EYS: variants seen among roughly 807,000 people sequenced by gnomAD.
EYS encodes the protein EGF-like photoreceptor maintenance factor.
EYS carries 250 observed loss-of-function variants against 282.1 expected under a neutral mutation model. The observed-to-expected ratio is 0.89, with a 90% CI of 0.80 to 0.98. The LOEUF is 0.98. Ranked by LOEUF, EYS falls within the 50% of genes least tolerant of loss-of-function variation. EYS has a pLI of 0.00. For missense variants in EYS, 4,016 were observed against 3,709.0 expected (o/e 1.08, Z -2.15); for synonymous variants, 1,355 against 1,282.9 (o/e 1.06, Z -1.20).
intron 31 of EYS, among the ~76,000 whole-genome samples, chr6:64,094,275 A>G (rs142062381): frequency 4.3e-4 from 66 of 151,752 alleles, no homozygotes; most frequent in African/African-American, 1.5e-3. Flanking sequence ...CTTATAAAAC[A>G]AGTTAAGGAG....
At chr6:64,131,962 A>T (rs1440364809) in intron 31 of EYS, among the ~76,000 whole-genome samples, 7 of 152,086 alleles carry the variant, frequency 4.6e-5, no homozygotes, top group African/African-American at 1.7e-4. Flanking sequence ...CCTTCATTTA[A>T]TTTTTTTCTT....
chr6:65,463,162 A>C (rs925388977), intron 5 of EYS, among the ~76,000 whole-genome samples: 1 of 152,090 alleles, frequency 6.6e-6, no homozygotes, highest in African/African-American at 2.4e-5. Flanking sequence ...AAAGTCTTTC[A>C]GATGGTCTCT....
chr6:64,816,372 G>A (rs575222876), intron 21 of EYS, among the ~76,000 whole-genome samples: 1 of 152,216 alleles, frequency 6.6e-6, no homozygotes, highest in Non-Finnish European at 1.5e-5. Context: ...CAATCCAAAA[G>A]ACTGAGAACT....
chr6:63,748,830 A>T (rs529453456), intron 41 of EYS, among the ~76,000 whole-genome samples: 1 of 152,136 alleles, frequency 6.6e-6, no homozygotes, highest in South Asian at 2.1e-4. Flanking sequence ...GTTAGTGGTA[A>T]TATCCCCCTT....
chr6:65,262,155 T>C (rs1345660870), intron 12 of EYS, among the ~76,000 whole-genome samples: 4 of 152,128 alleles, frequency 2.6e-5, no homozygotes, highest in Non-Finnish European at 5.9e-5. Flanking sequence ...CTGTTAATTC[T>C]GAGAACTCAT....
chr6:64,191,330 A>G (rs1013307926), intron 31 of EYS, among the ~76,000 whole-genome samples: 47 of 151,704 alleles, frequency 3.1e-4, no homozygotes, highest in Non-Finnish European at 5.3e-4. Context: ...TTTAAAATTT[A>G]TTATTAATAT....
Position 64,938,589 on chromosome 6 carries a change from C to T in EYS, c.2381+7204G>A, listed in dbSNP as rs554545709. On this transcript the variant is annotated intron_variant, in intron 15 of 42. Coordinates refer to ENST00000503581, the MANE Select transcript of EYS (RefSeq NM_001142800.2). ...AAGTAGAAACTACACTTCAAGTACG[C>T]TTACAACAATTATGTTTTTTTGCTT... Among the ~76,000 whole-genome samples, 43 of 151,668 alleles carry T rather than the reference C, an allele frequency of 2.8e-4. 1 individual carries two copies. In the South Asian group the frequency reaches 7.7e-3, roughly 27 times the overall value.
intron 28 of EYS, among the ~76,000 whole-genome samples, chr6:64,411,200 T>C (rs1351297435): frequency 2.0e-5 from 3 of 152,056 alleles, no homozygotes; most frequent in Admixed American, 6.6e-5. Flanking sequence ...AACCTGACCA[T>C]TCACAAATTA....
intron 29 of EYS, among the ~76,000 whole-genome samples, chr6:64,314,252 G>C (rs575946318): frequency 1.2e-5 from 1 of 82,318 alleles, no homozygotes; most frequent in South Asian, 4.3e-4. Context: ...TGATAAAACA[G>C]ACTTCAAACC....
intron 36 of EYS, among the ~76,000 whole-genome samples, chr6:63,809,630 C>T (rs755653988): frequency 2.0e-5 from 3 of 151,834 alleles, no homozygotes; most frequent in Non-Finnish European, 4.4e-5. Context: ...AAAGCAAAAT[C>T]ACTAATGCTC....
At chr6:64,704,313 G>A (rs150317448) in intron 22 of EYS, among the ~76,000 whole-genome samples, 9,039 of 105,610 alleles carry the variant, frequency 0.086, 348 homozygotes, top group East Asian at 0.17. Context: ...TTATATGTAT[G>A]TACTATATAT....
intron 30 of EYS, among the ~76,000 whole-genome samples, chr6:64,246,291 G>C (rs902651783): frequency 2.7e-5 from 4 of 150,618 alleles, no homozygotes; most frequent in African/African-American, 9.8e-5. Context: ...CTCTTTGTTA[G>C]CATGAACGTT....
chr6:65,363,241 A>C (rs149006279), intron 8 of EYS, among the ~76,000 whole-genome samples: 1 of 152,158 alleles, frequency 6.6e-6, no homozygotes, highest in African/African-American at 2.4e-5. Context: ...TATAGGCTAC[A>C]TAACATCTAT....
intron 12 of EYS, among the ~76,000 whole-genome samples, chr6:65,254,196 CCCTT>C (rs1394751220): frequency 2.0e-5 from 3 of 151,760 alleles, no homozygotes; most frequent in African/African-American, 7.2e-5. Context: ...TATAACTAAT[CCCTT>C]CCCGCACCCA....
At chr6:65,443,764 A>G (rs1004072798) in intron 5 of EYS, among the ~76,000 whole-genome samples, 9 of 151,550 alleles carry the variant, frequency 5.9e-5, no homozygotes, top group Non-Finnish European at 1.2e-4. Flanking sequence ...ACGTGCATAT[A>G]CACATATATT....
intron 2 of EYS, among the ~76,000 whole-genome samples, chr6:65,513,771 G>T (rs564539104): frequency 6.6e-6 from 1 of 150,848 alleles, no homozygotes; most frequent in African/African-American, 2.4e-5. Flanking sequence ...CAATAAATTA[G>T]GTATTGATGG....
At chr6:65,018,510 T>G (rs1772132647) in intron 13 of EYS, among the ~76,000 whole-genome samples, 1 of 152,210 alleles carries the variant, frequency 6.6e-6, no homozygotes, top group Admixed American at 6.5e-5. Context: ...ATCCTCATTT[T>G]AATTTAACAA....
chr6:65,150,060 C>T (rs9453205), intron 12 of EYS, among the ~76,000 whole-genome samples: 18,272 of 151,842 alleles, frequency 0.12, 1,435 homozygotes, highest in African/African-American at 0.22. Flanking sequence ...ATGGGGGAAC[C>T]GCCACCATGA....
intron 22 of EYS, among the ~76,000 whole-genome samples, chr6:64,758,898 G>A (rs1583123755): frequency 6.6e-6 from 1 of 152,304 alleles, no homozygotes; most frequent in South Asian, 2.1e-4. Flanking sequence ...CAGCACTTTG[G>A]AAGGCCGAGG....
Sources: allele counts gnomAD v4.1 joint callset (sites outside exome capture counted in the v4.1 genomes callset), GRCh38; gene constraint gnomAD v4.1.1; transcripts MANE v1.5; gene names NCBI Gene and HGNC (gene_info 2026-07-23, HGNC 2026-07-21).